Variants in C13orf42 observed in about 807,000 individuals in gnomAD.
C13orf42 encodes chromosome 13 open reading frame 42, also known as uncharacterized protein C13orf42.
intron 1 of C13orf42, among the ~76,000 whole-genome samples, chr13:51,152,394 C>T (rs1034807945): frequency 6.6e-6 from 1 of 152,226 alleles, no homozygotes; most frequent in African/African-American, 2.4e-5. Context: ...GTTGCCAGGG[C>T]TGAAGTGCAG....
intron 1 of C13orf42, among the ~76,000 whole-genome samples, chr13:51,123,670 A>G (rs1538853): frequency 3.3e-5 from 5 of 152,216 alleles, no homozygotes; most frequent in South Asian, 2.1e-4. Context: ...ATCTGCCTCT[A>G]TCACCTAACC....
chr13:51,154,172 T>C (rs1325533926), intron 1 of C13orf42, among the ~76,000 whole-genome samples: 2 of 152,174 alleles, frequency 1.3e-5, no homozygotes, highest in African/African-American at 4.8e-5. Context: ...AGAATTTCCT[T>C]CCTTTTTTAA....
intron 1 of C13orf42, among the ~76,000 whole-genome samples, chr13:51,154,771 A>G (rs890418059): frequency 2.0e-5 from 3 of 152,276 alleles, no homozygotes; most frequent in African/African-American, 7.2e-5. Context: ...AGGATAAAGC[A>G]GTAAACAATG....
intron 1 of C13orf42, among the ~76,000 whole-genome samples, chr13:51,151,009 C>T (rs922844041): frequency 2.0e-5 from 3 of 150,964 alleles, no homozygotes; most frequent in African/African-American, 5.0e-5. Context: ...CTGGCCTGAG[C>T]TGTGTGCATA....
intron 1 of C13orf42, among the ~76,000 whole-genome samples, chr13:51,093,318 T>C (rs1281548433): frequency 1.3e-5 from 2 of 152,202 alleles, no homozygotes; most frequent in Admixed American, 1.3e-4. Context: ...AAATTCCCTA[T>C]AACTGGTCCT....
chr13:51,161,712 C>A (rs150466765), intron 1 of C13orf42: 21 of 218,444 alleles, frequency 9.6e-5, no homozygotes, highest in East Asian at 8.2e-4. Flanking sequence ...TTAGGTAATG[C>A]ACGTTGCAGA....
chr13:51,106,594 G>A (rs73188238), intron 1 of C13orf42, among the ~76,000 whole-genome samples: 5,294 of 152,212 alleles, frequency 0.035, 89 homozygotes, highest in Non-Finnish European at 0.045. Context: ...ATAGAATGAG[G>A]CTAATAGCCA....
At chr13:51,097,157 A>C (rs1953242664) in intron 1 of C13orf42, among the ~76,000 whole-genome samples, 1 of 152,242 alleles carries the variant, frequency 6.6e-6, no homozygotes, top group Admixed American at 6.5e-5. Flanking sequence ...ATAGATGCAA[A>C]CAACAATCCC....
intron 1 of C13orf42, among the ~76,000 whole-genome samples, chr13:51,089,151 T>C (rs180867162): frequency 1.3e-3 from 196 of 152,308 alleles, no homozygotes; most frequent in African/African-American, 4.6e-3. Flanking sequence ...GTGAATATGA[T>C]TTATAGACTG....
upstream of C13orf42, among the ~76,000 whole-genome samples, chr13:51,113,674 T>C (rs1407999178): frequency 6.6e-6 from 1 of 152,024 alleles, no homozygotes; most frequent in African/African-American, 2.4e-5. Context: ...TCAGCAATCC[T>C]CCTGCCTCGG....
intron 1 of C13orf42, among the ~76,000 whole-genome samples, chr13:51,168,850 G>A (rs907804107): frequency 6.0e-5 from 9 of 150,896 alleles, no homozygotes; most frequent in African/African-American, 2.2e-4. Flanking sequence ...TGAAAAGTGT[G>A]TGGCACCTCC....
rs554542931 is a variant in C13orf42, at chr13:51,087,688, G to A, written c.562+240C>T. Among the ~76,000 whole-genome samples, 68 of 152,336 alleles carry A rather than the reference G, an allele frequency of 4.5e-4. 1 individual carries two copies. The highest frequency in any genetic ancestry group is 1.2e-3 in the South Asian group (6 of 4,828). On this transcript the variant is annotated intron_variant, in intron 2 of 3. Transcript: ENST00000563710. ...AACATTGTCCAAACATGGCACCAGA[G>A]TGTTGGAGAGGCAGCCTAGAGCCGT...
intron 1 of C13orf42, among the ~76,000 whole-genome samples, chr13:51,154,357 T>G (rs753998931): frequency 6.6e-6 from 1 of 152,228 alleles, no homozygotes; most frequent in Non-Finnish European, 1.5e-5. Flanking sequence ...GGAAGTGGAA[T>G]TGCTGAGTCA....
At chr13:51,099,175 A>G (rs1196820938) in intron 1 of C13orf42, among the ~76,000 whole-genome samples, 3 of 152,224 alleles carry the variant, frequency 2.0e-5, no homozygotes, top group Non-Finnish European at 4.4e-5. Flanking sequence ...CCAAGGCAAA[A>G]GTGATACTTA....
intron 1 of C13orf42, among the ~76,000 whole-genome samples, chr13:51,168,678 C>G (rs879586939): frequency 6.6e-6 from 1 of 152,202 alleles, no homozygotes; most frequent in African/African-American, 2.4e-5. Flanking sequence ...GCTTACATAC[C>G]AACTAATATG....
intron 1 of C13orf42, among the ~76,000 whole-genome samples, chr13:51,154,735 C>A (rs1341198186): frequency 6.6e-6 from 1 of 152,216 alleles, no homozygotes; most frequent in South Asian, 2.1e-4. Context: ...ACCTCAGCTA[C>A]GTGCCAGACC....
intron 1 of C13orf42, among the ~76,000 whole-genome samples, chr13:51,123,193 G>A (rs769819770): frequency 2.0e-5 from 3 of 152,158 alleles, no homozygotes; most frequent in African/African-American, 7.2e-5. Context: ...GTTACAGGTC[G>A]GTCAGGATGG....
intron 1 of C13orf42, among the ~76,000 whole-genome samples, chr13:51,146,671 A>G (rs543029932): frequency 3.4e-4 from 52 of 152,290 alleles, no homozygotes; most frequent in African/African-American, 1.1e-3. Context: ...TCTTTGGTAG[A>G]TAAGAGACAA....
intron 1 of C13orf42, among the ~76,000 whole-genome samples, chr13:51,134,269 A>C (rs1398998404): frequency 6.6e-6 from 1 of 152,178 alleles, no homozygotes; most frequent in African/African-American, 2.4e-5. Context: ...AGGGTTCAAC[A>C]TATTCAATGA....
Sources: allele counts gnomAD v4.1 joint callset (sites outside exome capture counted in the v4.1 genomes callset), GRCh38; gene constraint gnomAD v4.1.1; transcripts MANE v1.5; gene names NCBI Gene and HGNC (gene_info 2026-07-23, HGNC 2026-07-21).